The following RPSA2 variants were observed in gnomAD, a reference collection of about 807,000 sequenced individuals.
RPSA2 encodes the protein ribosomal protein SA 2, also known as small ribosomal subunit protein uS2B.
the RPSA2 span, among the ~76,000 whole-genome samples, chr19:23,837,807 C>G: frequency 6.6e-6 from 1 of 152,104 alleles, no homozygotes; most frequent in African/African-American, 2.4e-5. Context: ...AATCTTGTAT[C>G]CAGAAACTTT....
the RPSA2 span, chr19:23,826,949 C>T: frequency 3.6e-6 from 2 of 555,050 alleles, no homozygotes; most frequent in Non-Finnish European, 6.4e-6. Flanking sequence ...CTTGGCCTCC[C>T]AAAGTGCTGG....
At chr19:23,816,899 C>T in the RPSA2 span, among the ~76,000 whole-genome samples, 1 of 152,154 alleles carries the variant, frequency 6.6e-6, no homozygotes, top group African/African-American at 2.4e-5. Context: ...ATTCAATTAC[C>T]TTCCACCACA....
chr19:23,787,446 G>A, the RPSA2 span, among the ~76,000 whole-genome samples: 146,046 of 149,868 alleles, frequency 0.97, 71,243 homozygotes, highest in South Asian at 1. Flanking sequence ...ACTAAAAAAA[G>A]AAAAATACGA....
At chr19:23,853,374 AAC>A in the RPSA2 span, among the ~76,000 whole-genome samples, 148,928 of 152,266 alleles carry the variant, frequency 0.98, 72,926 homozygotes, top group Middle Eastern at 1. Context: ...TTTTACTAGA[AAC>A]ACATGAGAAT....
chr19:23,856,381 T>C, the RPSA2 span, among the ~76,000 whole-genome samples: 1 of 152,036 alleles, frequency 6.6e-6, no homozygotes, highest in Non-Finnish European at 1.5e-5. Context: ...GGTGACCATA[T>C]TTTCCATGGT....
the RPSA2 span, among the ~76,000 whole-genome samples, chr19:23,851,020 A>G: frequency 6.6e-6 from 1 of 152,178 alleles, no homozygotes; most frequent in Non-Finnish European, 1.5e-5. Flanking sequence ...ATCCAGGGGC[A>G]TTGTCTGTTT....
At chr19:23,833,175 C>G in the RPSA2 span, 1 of 1,193,232 alleles carries the variant, frequency 8.4e-7, no homozygotes, top group Non-Finnish European at 1.1e-6. Flanking sequence ...TTTCCTGGTC[C>G]TCAGCCCTAA....
At chr19:23,810,450 CATTT>C in the RPSA2 span, among the ~76,000 whole-genome samples, 126,503 of 128,764 alleles carry the variant, frequency 0.98, 62,230 homozygotes, top group Middle Eastern at 1. Flanking sequence ...TTGTAGTTTT[CATTT>C]TCATTTAATT....
At chr19:23,815,878 T>C in the RPSA2 span, among the ~76,000 whole-genome samples, 1 of 152,184 alleles carries the variant, frequency 6.6e-6, no homozygotes, top group South Asian at 2.1e-4. Flanking sequence ...CATTATAGAT[T>C]TGTGGTAAAT....
At chr19:23,785,537 C>T in the RPSA2 span, among the ~76,000 whole-genome samples, 1 of 152,118 alleles carries the variant, frequency 6.6e-6, no homozygotes, top group South Asian at 2.1e-4. Context: ...GCATTGTTAC[C>T]TATTGCTGGG....
chr19:23,812,237 A>G, the RPSA2 span, among the ~76,000 whole-genome samples: 2 of 152,050 alleles, frequency 1.3e-5, no homozygotes, highest in Non-Finnish European at 2.9e-5. Flanking sequence ...CTGTTTGTAT[A>G]CTTTAAGTTA....
chr19:23,850,838 T>C, the RPSA2 span, among the ~76,000 whole-genome samples: 1 of 152,132 alleles, frequency 6.6e-6, no homozygotes, highest in African/African-American at 2.4e-5. Flanking sequence ...CTAAATGTAA[T>C]TGGGAATGGG....
the RPSA2 span, among the ~76,000 whole-genome samples, chr19:23,837,343 T>C: frequency 6.9e-6 from 1 of 145,332 alleles, no homozygotes; most frequent in Non-Finnish European, 1.5e-5. Context: ...TGTATGTGCC[T>C]ATTTTTATAC....
chr19:23,810,710 A>G, the RPSA2 span, among the ~76,000 whole-genome samples: 1 of 152,164 alleles, frequency 6.6e-6, no homozygotes, highest in Non-Finnish European at 1.5e-5. Context: ...AGTAAAGGCC[A>G]AGGTCTGCAG....
At chr19:23,855,832 G>T in the RPSA2 span, among the ~76,000 whole-genome samples, 1 of 152,264 alleles carries the variant, frequency 6.6e-6, no homozygotes, top group East Asian at 1.9e-4. Context: ...GGGATGGTCT[G>T]CAGAAGTACA....
the RPSA2 span, among the ~76,000 whole-genome samples, chr19:23,852,881 A>G: frequency 1.3e-5 from 2 of 152,254 alleles, no homozygotes; most frequent in Admixed American, 6.5e-5. Context: ...ATCAACTGCC[A>G]TTCCTAAATA....
the RPSA2 span, among the ~76,000 whole-genome samples, chr19:23,862,376 T>C: frequency 6.6e-6 from 1 of 151,630 alleles, no homozygotes; most frequent in East Asian, 1.9e-4. Flanking sequence ...TATTTCCTTC[T>C]CTTGCCTAAT....
chr19:23,787,358 T>C, the RPSA2 span, among the ~76,000 whole-genome samples: 1 of 151,988 alleles, frequency 6.6e-6, no homozygotes, highest in African/African-American at 2.4e-5. Context: ...ATCCCAGTAC[T>C]TTGGGAGGCT....
At chr19:23,841,386 C>T in the RPSA2 span, among the ~76,000 whole-genome samples, 35 of 152,158 alleles carry the variant, frequency 2.3e-4, no homozygotes, top group Admixed American at 9.2e-4. Flanking sequence ...ATGGCGTGAA[C>T]CTGAGGGGCG....
Sources: allele counts gnomAD v4.1 joint callset (sites outside exome capture counted in the v4.1 genomes callset), GRCh38; gene constraint gnomAD v4.1.1; transcripts MANE v1.5; gene names NCBI Gene and HGNC (gene_info 2026-07-23, HGNC 2026-07-21).